EPAS1: variants seen among roughly 807,000 people sequenced by gnomAD.
EPAS1 encodes endothelial PAS domain-containing protein 1.
In EPAS1, 23 loss-of-function variants were observed where a neutral mutation model predicts 87.9. The ratio of observed to expected loss-of-function variants is 0.26; its 90% CI spans 0.19 to 0.37. EPAS1 has a LOEUF of 0.37. Among genes scored for constraint, EPAS1 ranks in the 10% least tolerant of loss-of-function variants. The pLI is 1.00. For missense variants in EPAS1, 1,138 were observed against 1,120.7 expected (o/e 1.02, Z -0.22); for synonymous variants, 508 against 444.3 (o/e 1.14, Z -1.80).
At chr2:46,352,622 T>G (rs1180601891) in intron 2 of EPAS1, among the ~76,000 whole-genome samples, 1 of 152,134 alleles carries the variant, frequency 6.6e-6, no homozygotes, top group African/African-American at 2.4e-5. Context: ...CTCCCCAGTT[T>G]TCACTCTCAG....
chr2:46,382,314 A>T, intron 14 of EPAS1, 111 bp from the exon 15 acceptor site: 1 of 1,405,424 alleles, frequency 7.1e-7, no homozygotes, highest in Non-Finnish European at 1.0e-6. Flanking sequence ...GGTTGGCTGT[A>T]GTTCTGGTGA....
chr2:46,382,701 G>C (rs758690321), intron 15 of EPAS1, 103 bp downstream of exon 15: 29 of 1,487,010 alleles, frequency 2.0e-5, no homozygotes, highest in African/African-American at 7.0e-5. Flanking sequence ...GGCACAGGGA[G>C]GTGCTTGACT....
intron 6 of EPAS1, among the ~76,000 whole-genome samples, chr2:46,364,580 C>G (rs551304280): frequency 6.6e-6 from 1 of 152,278 alleles, no homozygotes; most frequent in Non-Finnish European, 1.5e-5. Flanking sequence ...AATGAGGGAT[C>G]AGAGTACCAT....
intron 1 of EPAS1, among the ~76,000 whole-genome samples, chr2:46,314,632 G>C (rs982990545): frequency 1.3e-5 from 2 of 152,230 alleles, no homozygotes; most frequent in Non-Finnish European, 2.9e-5. Flanking sequence ...TAGGGTTCTA[G>C]CTCCATTGTG....
chr2:46,328,011 A>G (rs932181625), intron 1 of EPAS1, among the ~76,000 whole-genome samples: 17 of 152,208 alleles, frequency 1.1e-4, no homozygotes, highest in African/African-American at 4.1e-4. Flanking sequence ...AATTGTCTGA[A>G]CTTAGGTTTT....
In EPAS1 at chr2:46,326,839, G is replaced by A. The variant is rs1683574168; in HGVS notation, c.27-20034G>A. Among the ~76,000 whole-genome samples, 3 of 152,278 alleles carry A rather than the reference G, an allele frequency of 2.0e-5. No homozygotes were observed. The South Asian group carries it at 6.2e-4, about 32-fold the overall frequency. ...TATGGAAATAGGGAAAATGGTTCTA[G>A]GGGTTTTGGAGAGGAGAAGTGAGAG... is the stretch of plus-strand genomic sequence containing the variant. On this transcript the variant is annotated intron_variant, in intron 1 of 15. Transcript: ENST00000263734.
At position 46,384,257 on chromosome 2, in the gene EPAS1, G is replaced by A. The variant is rs76949318; in HGVS notation, c.2462-252G>A. Among the ~76,000 whole-genome samples the A allele has an allele frequency of 3.3e-3, 508 of 152,312 alleles. 5 individuals are homozygous for A. Among genetic ancestry groups the A allele is most frequent in the Middle Eastern group, 0.017 (5 of 294 alleles). The stretch of plus-strand genomic sequence containing the variant: ...TCAGCAACCCCAGGCTCTTCCTGAA[G>A]CTTCCACATACCTGTGCTGCAGCCC... On this transcript the variant is annotated intron_variant, in intron 15 of 15. Transcript: ENST00000263734.
chr2:46,306,193 G>A (rs1683106368), intron 1 of EPAS1, among the ~76,000 whole-genome samples: 3 of 152,152 alleles, frequency 2.0e-5, no homozygotes, highest in South Asian at 4.1e-4. Context: ...TCTGTCTCTC[G>A]ATGTTGTATT....
chr2:46,384,597 G>C lies in EPAS1; in HGVS notation c.2550G>C (p.Val850=). The C allele has an allele frequency of 1.2e-6, 2 of 1,614,098 alleles. No individual in the cohort carries two copies. The highest frequency in any genetic ancestry group is 3.3e-5 in the Admixed American group (2 of 60,028). Residue 850 remains valine (V), a synonymous_variant, in exon 16 of 16, where the codon GTG becomes GTC. Coordinates refer to ENST00000263734, the MANE Select transcript of EPAS1 (RefSeq NM_001430.5). Reference sequence around the variant, plus strand: ...ATGACTGTGAGGTGAACGTGCCCGTGCTGGGAAGCTCCACGCTCCTGCAAG... The same window carrying C: ...ATGACTGTGAGGTGAACGTGCCCGTCCTGGGAAGCTCCACGCTCCTGCAAG... ...TRYDCEVNVP[V]LGSSTLLQGG...
chr2:46,348,704 T>C (rs1306636984), intron 2 of EPAS1, among the ~76,000 whole-genome samples: 2 of 152,250 alleles, frequency 1.3e-5, no homozygotes, highest in Admixed American at 6.5e-5. Context: ...TCCGAAATGC[T>C]TGGGAGCAGA....
rs115808250 is a variant in EPAS1, at chr2:46,344,879, G to A, written c.27-1994G>A. On this transcript the variant is annotated intron_variant, in intron 1 of 15. Transcript: ENST00000263734. Reference sequence around the variant, plus strand: ...AGTATATGATGCTTAATCCATCCACGGAGCTGGATAGTCTGTCTTTTTAAA... The same window carrying A: ...AGTATATGATGCTTAATCCATCCACAGAGCTGGATAGTCTGTCTTTTTAAA... 3.4e-3 allele frequency among the ~76,000 whole-genome samples: 519 copies of A among 152,322 alleles called. 2 individuals are homozygous for A. Among genetic ancestry groups the A allele is most frequent in the Middle Eastern group, 0.014 (4 of 294 alleles).
At chr2:46,377,189 G>A (rs1427025667) in intron 9 of EPAS1, among the ~76,000 whole-genome samples, 1 of 152,208 alleles carries the variant, frequency 6.6e-6, no homozygotes, top group Non-Finnish European at 1.5e-5. Context: ...TGTTGGGAAG[G>A]ATCATTCCAA....
Position 46,375,486 on chromosome 2 carries a change from C to A in EPAS1, c.887-204C>A. 1.6e-6 allele frequency: 1 copy of A among 644,332 alleles called. No individual in the cohort carries two copies. Among genetic ancestry groups the A allele is most frequent in the Non-Finnish European group, 2.7e-6 (1 of 368,388 alleles). The allele number at this position is 644,332 out of a possible 1,614,324, so 39.9% of individuals were successfully genotyped here. ...CAAGTCATTTCACCTCTTCTCACCT[C>A]TTTTTCCTATATTTAAAATGAAGAG... On this transcript the variant is annotated intron_variant, in intron 7 of 15. Transcript: ENST00000263734. The surrounding 1 kb of genome is among the most constrained non-coding windows in gnomAD (Gnocchi z 4.1).
Position 46,380,183 on chromosome 2 carries a change from C to T in EPAS1, c.1555-44C>T, listed in dbSNP as rs755156827. On this transcript the variant is annotated intron_variant, in intron 11 of 15. Coordinates refer to ENST00000263734, the MANE Select transcript of EPAS1 (RefSeq NM_001430.5). This position sits in a 1 kb window ranked among gnomAD's most constrained non-coding sequence, Gnocchi z 4.4. ...TGAGTTGGAATAGTGTTTGTGAGGT[C>T]GTACCAACCCCCTTGCCTCTTTGCC... 1.9e-5 allele frequency: 30 copies of T among 1,601,408 alleles called. No homozygotes were observed. The highest frequency in any genetic ancestry group is 2.2e-5 in the Non-Finnish European group (26 of 1,179,904).
chr2:46,382,043 C>A lies in EPAS1; in HGVS notation c.2241C>A (p.Ser747Arg). 1.2e-6 allele frequency: 2 copies of A among 1,613,942 alleles called. No homozygotes were observed. The highest frequency in any genetic ancestry group is 1.7e-6 in the Non-Finnish European group (2 of 1,180,020). Residue 747 changes from serine to arginine, a missense_variant, in exon 14 of 16, where the codon AGC becomes AGA. Coordinates refer to ENST00000263734, the MANE Select transcript of EPAS1 (RefSeq NM_001430.5). ...WKRMKNLRGG[S>R]CPLMPDKPLS... ...GGATGAAGAACCTCAGGGGTGGGAG[C>A]TGCCCTTTGATGCCGGACAAGCCAC...
intron 1 of EPAS1, among the ~76,000 whole-genome samples, chr2:46,328,062 A>G (rs1683599776): frequency 6.6e-6 from 1 of 152,214 alleles, no homozygotes; most frequent in Admixed American, 6.5e-5. Flanking sequence ...CTTCCAGTCT[A>G]ACTATCCTAT....
intron 1 of EPAS1, among the ~76,000 whole-genome samples, chr2:46,319,851 G>A (rs74627044): frequency 0.029 from 4,362 of 152,288 alleles, 174 homozygotes; most frequent in East Asian, 0.17. Context: ...AAGACAAATC[G>A]TTTCCTAAAG....
intron 1 of EPAS1, 56 bp downstream of exon 1, chr2:46,297,993 G>A: frequency 6.3e-7 from 1 of 1,597,840 alleles, no homozygotes; most frequent in Non-Finnish European, 8.5e-7. Flanking sequence ...GCCGGGCTGC[G>A]CGGGGCAGGC....
Position 46,375,548 on chromosome 2 carries a change from C to T in EPAS1, c.887-142C>T. 6.1e-6 allele frequency: 6 copies of T among 991,566 alleles called. No individual in the cohort carries two copies. In the South Asian group the frequency reaches 8.6e-5, roughly 14 times the overall value. The allele number at this position is 991,566 out of a possible 1,614,324, so 61.4% of individuals were successfully genotyped here. A position where few individuals can be genotyped will look rare whatever the true frequency, so the allele number is the denominator to read the frequency against. ...GATCCCTAAGCTCCCTCCCAGGTCA[C>T]TCTCCCTGGTCCTCACTGTCGTGGC... On this transcript the variant is annotated intron_variant, in intron 7 of 15. Coordinates refer to ENST00000263734, the MANE Select transcript of EPAS1 (RefSeq NM_001430.5). This position sits in a 1 kb window ranked among gnomAD's most constrained non-coding sequence, Gnocchi z 4.1.
Sources: allele counts gnomAD v4.1 joint callset (sites outside exome capture counted in the v4.1 genomes callset), GRCh38; gene constraint gnomAD v4.1.1; non-coding constraint Gnocchi (gnomAD v3.1); transcripts MANE v1.5; gene names NCBI Gene and HGNC (gene_info 2026-07-23, HGNC 2026-07-21).